IQCJ: variants seen among roughly 807,000 people sequenced by gnomAD.
IQCJ encodes the protein IQ domain-containing protein J.
In IQCJ, 9 loss-of-function variants were observed where a neutral mutation model predicts 11.0. The observed-to-expected ratio is 0.82, with a 90% CI of 0.49 to 1.43. The LOEUF (loss-of-function observed/expected upper bound fraction) is 1.43. Ranked by LOEUF, IQCJ falls within the 40% of genes most tolerant of loss-of-function variation. The pLI is 0.00. For synonymous variants in IQCJ, 55 were observed against 51.3 expected, an observed-to-expected ratio of 1.07 and a Z score of -0.31; for missense variants, 146 against 133.2, an observed-to-expected ratio of 1.10 and a Z score of -0.47.
chr3:159,234,570 A>G (rs1181294399), intron 1 of IQCJ, among the ~76,000 whole-genome samples: 1 of 152,178 alleles, frequency 6.6e-6, no homozygotes, highest in Non-Finnish European at 1.5e-5. Flanking sequence ...TTGGGAGGCC[A>G]AGGCAAAAAC....
intron 1 of IQCJ, among the ~76,000 whole-genome samples, chr3:159,159,715 G>A (rs1336175182): frequency 1.3e-5 from 2 of 152,244 alleles, no homozygotes; most frequent in East Asian, 3.9e-4. Flanking sequence ...TTGGCCATGA[G>A]CCTAGAGGAG....
chr3:159,192,950 G>A (rs989381599), intron 1 of IQCJ, among the ~76,000 whole-genome samples: 1 of 152,198 alleles, frequency 6.6e-6, no homozygotes, highest in African/African-American at 2.4e-5. Flanking sequence ...GGTCACAGCT[G>A]ACTCTCACCA....
intron 1 of IQCJ, among the ~76,000 whole-genome samples, chr3:159,142,977 C>T (rs1262494481): frequency 2.6e-5 from 4 of 152,028 alleles, no homozygotes; most frequent in Non-Finnish European, 5.9e-5. Flanking sequence ...ATTTGTTTTT[C>T]ATTATCATGC....
At chr3:159,179,126 A>C (rs1722952533) in intron 1 of IQCJ, among the ~76,000 whole-genome samples, 2 of 152,144 alleles carry the variant, frequency 1.3e-5, no homozygotes, top group African/African-American at 4.8e-5. Context: ...AAATAAAGGA[A>C]TCCTTCCTTC....
At chr3:159,251,546 A>T (rs923703850) in intron 2 of IQCJ, among the ~76,000 whole-genome samples, 1 of 152,056 alleles carries the variant, frequency 6.6e-6, no homozygotes, top group Non-Finnish European at 1.5e-5. Context: ...TTTTAAAAAA[A>T]GTTTCAAATA....
intron 1 of IQCJ, 90 bp downstream of exon 1, chr3:159,069,531 C>G: frequency 6.6e-7 from 1 of 1,521,860 alleles, no homozygotes; most frequent in Non-Finnish European, 8.8e-7. Flanking sequence ...TCTGAATTAA[C>G]ATGTATGCAA....
chr3:159,117,451 C>T (rs889859992), intron 1 of IQCJ, among the ~76,000 whole-genome samples: 12 of 152,294 alleles, frequency 7.9e-5, no homozygotes, highest in Admixed American at 3.9e-4. Context: ...CCTTATTTCC[C>T]GTTTAGTCCT....
At chr3:159,221,830 AAAAG>A (rs1296895519) in intron 1 of IQCJ, among the ~76,000 whole-genome samples, 6 of 152,272 alleles carry the variant, frequency 3.9e-5, no homozygotes, top group South Asian at 2.1e-4. Flanking sequence ...TAAAAAAAAA[AAAAG>A]AAAGAAATTG....
intron 1 of IQCJ, among the ~76,000 whole-genome samples, chr3:159,241,192 GA>G (rs1355828475): frequency 1.3e-5 from 2 of 152,050 alleles, no homozygotes; most frequent in East Asian, 2.0e-4. Context: ...GGCGGATCAT[GA>G]GGTCAGGAGT....
At chr3:159,214,800 G>T (rs563228687) in intron 1 of IQCJ, among the ~76,000 whole-genome samples, 4 of 152,146 alleles carry the variant, frequency 2.6e-5, no homozygotes, top group East Asian at 3.9e-4. Context: ...TTCTTTCTTT[G>T]TTTCTGGCAG....
intron 1 of IQCJ, among the ~76,000 whole-genome samples, chr3:159,136,340 A>C (rs1720289061): frequency 6.6e-6 from 1 of 152,214 alleles, no homozygotes; most frequent in South Asian, 2.1e-4. Context: ...TTTGGGAAGA[A>C]TTCAACTTTG....
chr3:159,247,254 G>A (rs1405352560), intron 2 of IQCJ, among the ~76,000 whole-genome samples: 2 of 151,964 alleles, frequency 1.3e-5, no homozygotes, highest in South Asian at 2.1e-4. Context: ...GTGCCACCAC[G>A]CCCGGCTAAT....
intron 1 of IQCJ, among the ~76,000 whole-genome samples, chr3:159,128,408 T>C (rs1340718496): frequency 6.6e-6 from 1 of 152,200 alleles, no homozygotes; most frequent in Non-Finnish European, 1.5e-5. Flanking sequence ...AATCTTCTCA[T>C]CCATCTGGTG....
intron 1 of IQCJ, among the ~76,000 whole-genome samples, chr3:159,129,364 G>A (rs1013328364): frequency 1.3e-5 from 2 of 152,186 alleles, no homozygotes; most frequent in Non-Finnish European, 2.9e-5. Context: ...TATAGAGCTA[G>A]CCATTTCCCC....
intron 1 of IQCJ, among the ~76,000 whole-genome samples, chr3:159,088,878 G>A (rs1009941912): frequency 1.3e-5 from 2 of 152,038 alleles, no homozygotes; most frequent in African/African-American, 4.8e-5. Flanking sequence ...TATCCAATTT[G>A]CCAGTCTGTG....
At chr3:159,255,661 C>G (rs1279753934) in intron 3 of IQCJ, among the ~76,000 whole-genome samples, 13 of 152,008 alleles carry the variant, frequency 8.6e-5, no homozygotes, top group Admixed American at 8.5e-4. Flanking sequence ...GGGAGTGTCA[C>G]AAAGGGTCCA....
At chr3:159,238,698 G>A (rs570583254) in intron 1 of IQCJ, among the ~76,000 whole-genome samples, 1 of 152,318 alleles carries the variant, frequency 6.6e-6, no homozygotes, top group South Asian at 2.1e-4. Context: ...TCTGCTTGAA[G>A]GAGGGGAAAA....
At chr3:159,140,237 T>C (rs1162779233) in intron 1 of IQCJ, among the ~76,000 whole-genome samples, 4 of 152,220 alleles carry the variant, frequency 2.6e-5, no homozygotes, top group Admixed American at 2.0e-4. Context: ...TATAATGACA[T>C]GTACCTACCA....
At chr3:159,234,049 T>C (rs1286420248) in intron 1 of IQCJ, among the ~76,000 whole-genome samples, 1 of 152,164 alleles carries the variant, frequency 6.6e-6, no homozygotes, top group Non-Finnish European at 1.5e-5. Context: ...CTGGTGTAAG[T>C]CCCAAGTCAT....
Sources: gnomAD v4.1 joint callset for allele counts (sites outside exome capture counted in the v4.1 genomes callset) on GRCh38, gnomAD v4.1.1 for gene constraint, MANE v1.5 for transcripts, NCBI Gene and HGNC (gene_info 2026-07-23, HGNC 2026-07-21) for gene names.